PLB1: variants seen among roughly 807,000 people sequenced by gnomAD.
PLB1 encodes the protein phospholipase B1, also known as phospholipase B1, membrane-associated.
PLB1 carries 242 observed loss-of-function variants against 227.4 expected under a neutral mutation model. That is an observed-to-expected ratio of 1.06 (90% CI 0.96 to 1.18). The LOEUF (loss-of-function observed/expected upper bound fraction) is 1.18. Among genes scored for constraint, PLB1 ranks in the 50% most tolerant of loss-of-function variants. The probability of loss-of-function intolerance (pLI) is 0.00; values close to 1 mark genes in which losing one functional copy is unlikely to be tolerated. For synonymous variants in PLB1, 757 were observed against 682.2 expected (o/e 1.11, Z -1.71); for missense variants, 1,858 against 1,816.3 (o/e 1.02, Z -0.42).
chr2:28,505,985 G>A (rs920470082), intron 1 of PLB1, among the ~76,000 whole-genome samples: 1 of 152,144 alleles, frequency 6.6e-6, no homozygotes, highest in South Asian at 2.1e-4. Flanking sequence ...CAGGTATGGG[G>A]TTTTCTCTAG....
chr2:28,611,315 G>A (rs1459274706), intron 43 of PLB1, among the ~76,000 whole-genome samples: 3 of 152,058 alleles, frequency 2.0e-5, no homozygotes, highest in Admixed American at 6.6e-5. Context: ...AGTTGCACTC[G>A]CAGCACTTCC....
intron 17 of PLB1, among the ~76,000 whole-genome samples, chr2:28,562,035 T>C (rs57489213): frequency 0.011 from 1,618 of 152,186 alleles, 27 homozygotes; most frequent in African/African-American, 0.037. Context: ...GATAAATCCA[T>C]AGAGGCAGAA....
At chr2:28,503,969 A>G (rs1439865292) in intron 1 of PLB1, among the ~76,000 whole-genome samples, 21 of 152,134 alleles carry the variant, frequency 1.4e-4, no homozygotes, top group Non-Finnish European at 1.3e-4. Context: ...AAAATATACC[A>G]TCGTCTATAT....
At chr2:28,569,965 C>CAAA (rs200866382) in intron 20 of PLB1, among the ~76,000 whole-genome samples, 7 of 62,842 alleles carry the variant, frequency 1.1e-4, no homozygotes, top group African/African-American at 1.2e-4. Flanking sequence ...GACTCCATCT[C>CAAA]AAAAAAAAAA....
intron 20 of PLB1, among the ~76,000 whole-genome samples, chr2:28,569,228 G>A (rs924223519): frequency 6.7e-5 from 7 of 105,106 alleles, no homozygotes; most frequent in African/African-American, 2.2e-4. Flanking sequence ...CCTTGTGTTG[G>A]AGCTGAGATA....
At chr2:28,638,338 A>C (rs909945928) in intron 56 of PLB1, among the ~76,000 whole-genome samples, 1 of 152,072 alleles carries the variant, frequency 6.6e-6, no homozygotes, top group African/African-American at 2.4e-5. Context: ...TAGAGTCAGG[A>C]ATGAGCTTGA....
At chr2:28,624,419 C>A (rs558160925) in intron 49 of PLB1, among the ~76,000 whole-genome samples, 6 of 151,762 alleles carry the variant, frequency 4.0e-5, no homozygotes, top group Admixed American at 3.3e-4. Context: ...AGTAGTGTTC[C>A]GTTGGCATTC....
chr2:28,582,046 G>C, intron 23 of PLB1, 22 bp from the exon 24 acceptor site: 1 of 1,605,744 alleles, frequency 6.2e-7, no homozygotes, highest in Non-Finnish European at 8.5e-7. Context: ...TGGTGTTCAA[G>C]GGACACTTCC....
intron 11 of PLB1, among the ~76,000 whole-genome samples, chr2:28,539,415 A>G (rs1672156820): frequency 6.6e-6 from 1 of 152,180 alleles, no homozygotes; most frequent in African/African-American, 2.4e-5. Context: ...TTATTCTTTT[A>G]TTCTGGTTGA....
At chr2:28,532,058 T>C (rs556354585) in intron 8 of PLB1, 50 bp from the exon 9 acceptor site, 1 of 1,412,746 alleles carries the variant, frequency 7.1e-7, no homozygotes, top group African/African-American at 1.4e-5. Context: ...ATTATTTTGG[T>C]TCAAGGTCTT....
chr2:28,597,366 A>G (rs72850445), intron 33 of PLB1, among the ~76,000 whole-genome samples: 2,822 of 152,274 alleles, frequency 0.019, 86 homozygotes, highest in African/African-American at 0.065. Flanking sequence ...ATATATGAAT[A>G]TCAGATTTTG....
chr2:28,538,828 C>T (rs528421321), intron 10 of PLB1, among the ~76,000 whole-genome samples: 34 of 152,176 alleles, frequency 2.2e-4, no homozygotes, highest in Non-Finnish European at 3.8e-4. Flanking sequence ...GGCCCATAGC[C>T]CCAGTGGTCT....
chr2:28,539,325 C>T (rs142134741), intron 11 of PLB1, 147 bp downstream of exon 11: 105 of 727,272 alleles, frequency 1.4e-4, no homozygotes, highest in African/African-American at 1.3e-3. Context: ...GAGCTCACAC[C>T]CGAGCGAGTG....
At chr2:28,590,886 G>A (rs1302793182) in intron 29 of PLB1, among the ~76,000 whole-genome samples, 5 of 152,172 alleles carry the variant, frequency 3.3e-5, no homozygotes, top group South Asian at 2.1e-4. Context: ...AGCCAGCCAC[G>A]CGGGAGGTGG....
At chr2:28,570,144 CAG>C (rs1677762776) in intron 20 of PLB1, among the ~76,000 whole-genome samples, 1 of 152,048 alleles carries the variant, frequency 6.6e-6, no homozygotes, top group Non-Finnish European at 1.5e-5. Flanking sequence ...CTCCCAAAAA[CAG>C]AAGAGGAAGG....
At chr2:28,600,924 C>G in intron 36 of PLB1, 64 bp downstream of exon 36, 3 of 1,419,598 alleles carry the variant, frequency 2.1e-6, no homozygotes, top group Non-Finnish European at 2.9e-6. Context: ...TGTCTCCAAA[C>G]GGAGTGGCCT....
intron 56 of PLB1, among the ~76,000 whole-genome samples, chr2:28,634,097 T>C (rs1448893269): frequency 6.6e-6 from 1 of 152,218 alleles, no homozygotes; most frequent in Admixed American, 6.5e-5. Context: ...GCATGTAAAC[T>C]GGCTTTATCC....
Position 28,626,456 on chromosome 2 carries a change from T to C in PLB1, c.3608T>C (p.Leu1203Pro), listed in dbSNP as rs1687792511. 1 of 1,614,178 alleles carries C rather than the reference T, an allele frequency of 6.2e-7. No homozygotes were observed. The highest frequency in any genetic ancestry group is 8.5e-7 in the Non-Finnish European group (1 of 1,180,018). The change falls in exon 51 of 58, where the codon CTG (leucine) becomes CCG (proline). Residue 1203 changes from leucine (L) to proline (P), a missense_variant. Transcript: ENST00000327757. Reference sequence around the variant, plus strand: ...ATCAACCTGGAGAAAGACTGGAAGCTGGTCACACTCTTCATTGGGGTCAAC... The same window carrying C: ...ATCAACCTGGAGAAAGACTGGAAGCCGGTCACACTCTTCATTGGGGTCAAC... ...PDINLEKDWK[L>P]VTLFIGVNDL...
intron 11 of PLB1, 48 bp downstream of exon 11, chr2:28,539,226 C>T (rs756723893): frequency 2.5e-5 from 38 of 1,519,272 alleles, no homozygotes; most frequent in Middle Eastern, 1.7e-4. Flanking sequence ...ACGGCTGTCA[C>T]GTGTGCGGCC....
Sources: allele counts gnomAD v4.1 joint callset (sites outside exome capture counted in the v4.1 genomes callset), GRCh38; gene constraint gnomAD v4.1.1; transcripts MANE v1.5; gene names NCBI Gene and HGNC (gene_info 2026-07-23, HGNC 2026-07-21).